Variants in FAM149A observed in about 807,000 individuals in gnomAD.
FAM149A encodes the protein family with sequence similarity 149 member A.
FAM149A carries 71 observed loss-of-function variants against 78.2 expected under a neutral mutation model. The ratio of observed to expected loss-of-function variants is 0.91; its 90% confidence interval spans 0.75 to 1.11. FAM149A has a LOEUF of 1.11. Ranked by LOEUF, FAM149A falls within the 50% of genes least tolerant of loss-of-function variation. FAM149A has a pLI of 0.00. For missense variants in FAM149A, 1,036 were observed against 971.0 expected (o/e 1.07, Z -0.89); for synonymous variants, 446 against 410.5 (o/e 1.09, Z -1.04).
At chr4:186,120,848 C>CTTTTTTTTTT (rs374357159) in intron 1 of FAM149A, among the ~76,000 whole-genome samples, 2 of 90,208 alleles carry the variant, frequency 2.2e-5, no homozygotes, top group Non-Finnish European at 3.8e-5. Context: ...AAATAATATT[C>CTTTTTTTTTT]TTTTTTTTTT....
intron 1 of FAM149A, among the ~76,000 whole-genome samples, chr4:186,117,117 T>G (rs1444898824): frequency 6.6e-6 from 1 of 152,012 alleles, no homozygotes; most frequent in Admixed American, 6.6e-5. Context: ...TAAGAGATCA[T>G]CTATACAAAC....
rs1380506807 is a variant in FAM149A, at chr4:186,105,433, C to T, written c.357C>T (p.Ser119=). ...CCACTCCCTCCGGCGGGGGCTGCTC[C>T]CCTGCTCGCCTGGTGGTCCCAGCGC... The change falls in exon 1 of 14, where the codon TCC becomes TCT. Residue 119 remains serine (S), a synonymous_variant. Coordinates refer to ENST00000389354, the MANE Select transcript of FAM149A (RefSeq NM_001367768.3). 4.9e-6 allele frequency: 6 copies of T among 1,212,558 alleles called. No homozygotes were observed. In the East Asian group the frequency reaches 5.5e-4, roughly 110 times the overall value. 75.1% of individuals were successfully genotyped at this position (1,212,558 alleles called of 1,614,324 possible). A position where few individuals can be genotyped will look rare whatever the true frequency, so the allele number is the denominator to read the frequency against.
intron 1 of FAM149A, chr4:186,109,967 G>A (rs2099310528): frequency 1.0e-6 from 1 of 985,218 alleles, no homozygotes; most frequent in Admixed American, 6.2e-5. Context: ...TACCACTCTG[G>A]GATCAAACTT....
intron 1 of FAM149A, chr4:186,123,401 T>A (rs930298094): frequency 1.0e-6 from 1 of 982,144 alleles, no homozygotes. Context: ...GGGAGACAGT[T>A]CTCCCTGGGC....
In FAM149A at chr4:186,161,013, G is replaced by A. The variant is rs116830208; in HGVS notation, c.1576-1832G>A. The stretch of plus-strand genomic sequence containing the variant: ...GTGTAGTGTCTGGTGTAGAGTGGAC[G>A]TTCAATAAGTGTTACCTTTTGTTAT... On this transcript the variant is annotated intron_variant, in intron 8 of 13. Coordinates refer to ENST00000389354, the MANE Select transcript of FAM149A (RefSeq NM_001367768.3). 5.3e-3 allele frequency: 1,312 copies of A among 246,910 alleles called. 19 individuals are homozygous for A. The highest frequency in any genetic ancestry group is 0.029 in the African/African-American group (1,242 of 43,204). The allele number at this position is 246,910 out of a possible 1,614,324, so 15.3% of individuals were successfully genotyped here. A position where few individuals can be genotyped will look rare whatever the true frequency, so the allele number is the denominator to read the frequency against.
At chr4:186,135,537 G>A (rs1460349571) in intron 1 of FAM149A, among the ~76,000 whole-genome samples, 3 of 152,106 alleles carry the variant, frequency 2.0e-5, no homozygotes, top group Admixed American at 6.5e-5. Context: ...TCAACTGATC[G>A]ATACCTGAGC....
chr4:186,127,557 G>A (rs573642482), intron 1 of FAM149A: 531 of 985,434 alleles, frequency 5.4e-4, no homozygotes, highest in Middle Eastern at 3.1e-3. Context: ...ATCAGAGGAT[G>A]ACATGTCCAT....
chr4:186,136,988 C>CTCTCTCTCTCTCTCTCTT lies in FAM149A; in HGVS notation c.567-12168_567-12167insTTCTCTCTCTCTCTCTCT, dbSNP rs2099323425. 6.6e-5 allele frequency among the ~76,000 whole-genome samples: 8 copies of CTCTCTCTCTCTCTCTCTT among 121,604 alleles called. 1 individual carries two copies. Among genetic ancestry groups the CTCTCTCTCTCTCTCTCTT allele is most frequent in the Middle Eastern group, 4.0e-3 (1 of 248 alleles). The allele number at this position is 121,604 out of a possible 152,430, so 79.8% of individuals were successfully genotyped here. On this transcript the variant is annotated intron_variant, in intron 1 of 13. Coordinates refer to ENST00000389354, the MANE Select transcript of FAM149A (RefSeq NM_001367768.3). The stretch of plus-strand genomic sequence containing the variant: ...TTTCTCTCTCTCTTTCTCTCTCTCT[C>CTCTCTCTCTCTCTCTCTT]TCTCTCTCTCTCTCTCTCTCTCTCT...
Position 186,153,718 on chromosome 4 carries a change from G to A in FAM149A, c.1006G>A (p.Ala336Thr), listed in dbSNP as rs140771382. 76 of 1,613,840 alleles carry A rather than the reference G, an allele frequency of 4.7e-5. No homozygotes were observed. The Middle Eastern group carries it at 5.0e-4, about 11-fold the overall frequency. ...TTTCCAGGGCAGCACTCCTGCCTCC[G>A]CAGTCCACAGACCCCCGCTCAGTGC... is the stretch of plus-strand genomic sequence containing the variant. The change falls in exon 5 of 14, where the codon GCA becomes ACA. Residue 336 changes from alanine to threonine, a missense_variant. Ala to Thr is a moderately conservative substitution (Grantham distance 58). Coordinates refer to ENST00000389354, the MANE Select transcript of FAM149A (RefSeq NM_001367768.3).
At chr4:186,135,215 C>T (rs191580792) in intron 1 of FAM149A, among the ~76,000 whole-genome samples, 1 of 152,278 alleles carries the variant, frequency 6.6e-6, no homozygotes, top group East Asian at 1.9e-4. Flanking sequence ...CAGCGGGCAC[C>T]ACCCCTTTGC....
At chr4:186,148,680 T>G (rs1296517812) in intron 1 of FAM149A, among the ~76,000 whole-genome samples, 1 of 152,216 alleles carries the variant, frequency 6.6e-6, no homozygotes, top group Non-Finnish European at 1.5e-5. Flanking sequence ...AATGCTAGAT[T>G]AAAGCAAGTT....
At chr4:186,118,704 G>C (rs1561386914) in intron 1 of FAM149A, among the ~76,000 whole-genome samples, 1 of 152,124 alleles carries the variant, frequency 6.6e-6, no homozygotes, top group Non-Finnish European at 1.5e-5. Flanking sequence ...GCAATATTCA[G>C]ATAGTATCCT....
intron 1 of FAM149A, among the ~76,000 whole-genome samples, chr4:186,126,553 C>T (rs1371521622): frequency 6.6e-6 from 1 of 152,174 alleles, no homozygotes; most frequent in Non-Finnish European, 1.5e-5. Context: ...TGATCTCGGA[C>T]ATCCAACTCT....
At chr4:186,109,302 A>G (rs2150076807) in intron 1 of FAM149A, 2 of 735,630 alleles carry the variant, frequency 2.7e-6, no homozygotes, top group Non-Finnish European at 3.3e-6. Flanking sequence ...TAGCAAGCAT[A>G]TATTCACTCT....
chr4:186,167,711 C>T (rs2289255), intron 13 of FAM149A: 16,048 of 270,380 alleles, frequency 0.059, 670 homozygotes, highest in African/African-American at 0.12. Flanking sequence ...TAGGTATTCT[C>T]AGCCTGGTAT....
At chr4:186,152,797 G>A (rs1455127008) in intron 4 of FAM149A, among the ~76,000 whole-genome samples, 1 of 152,026 alleles carries the variant, frequency 6.6e-6, no homozygotes, top group African/African-American at 2.4e-5. Context: ...GCCCGCCTCA[G>A]CCTCCCAAAG....
At chr4:186,166,732 G>GT (rs56129279) in intron 11 of FAM149A, among the ~76,000 whole-genome samples, 32 of 150,420 alleles carry the variant, frequency 2.1e-4, no homozygotes, top group African/African-American at 7.6e-4. Flanking sequence ...TTTTCTTAAG[G>GT]TTTTTTTTAT....
In FAM149A at chr4:186,109,708, A is replaced by G. The variant is rs987581234; in HGVS notation, c.566+4066A>G. On this transcript the variant is annotated intron_variant, in intron 1 of 13. Coordinates refer to ENST00000389354, the MANE Select transcript of FAM149A (RefSeq NM_001367768.3). ...TTACTACCTGCTTCTTGGCACAGAA[A>G]TGAAAATTGAGAGCCATGTTTTATT... 6.1e-6 allele frequency: 6 copies of G among 982,020 alleles called. No individual in the cohort carries two copies. In the South Asian group the frequency reaches 2.4e-4, roughly 39 times the overall value. The allele number at this position is 982,020 out of a possible 1,614,324, so 60.8% of individuals were successfully genotyped here.
rs753211748 is a variant in FAM149A at position 186,167,031 on chromosome 4, C to A, written c.2074C>A (p.Arg692Ser). 6.2e-7 allele frequency: 1 copy of A among 1,614,110 alleles called. No homozygotes were observed. Among genetic ancestry groups the A allele is most frequent in the East Asian group, 2.2e-5 (1 of 44,882 alleles). Residue 692 changes from arginine to serine, a missense_variant, in exon 12 of 14, where the codon CGT becomes AGT. Arg to Ser is a moderately radical substitution (Grantham distance 110). Around this residue, in one of 3 missense-constraint regions of FAM149A, gnomAD observed 716 missense variants for 711.8 expected, o/e 1.01. Transcript: ENST00000389354. ...CATGCCTGACGGTACAGAACGATCG[C>A]GTCTTCGAGAAAGAACAGCCACCCT...
Sources: gnomAD v4.1 joint callset for allele counts (sites outside exome capture counted in the v4.1 genomes callset) on GRCh38, gnomAD v4.1.1 for gene constraint, gnomAD v4.1.1 regional missense constraint, MANE v1.5 for transcripts, NCBI Gene and HGNC (gene_info 2026-07-23, HGNC 2026-07-21) for gene names.